MCM3AP: variants seen among roughly 807,000 people sequenced by gnomAD.
MCM3AP encodes the protein minichromosome maintenance complex component 3 associated protein, also known as germinal-center associated nuclear protein.
MCM3AP carries 126 observed loss-of-function variants against 184.1 expected under a neutral mutation model. The observed-to-expected ratio is 0.68, with a 90% CI of 0.59 to 0.79. The LOEUF (loss-of-function observed/expected upper bound fraction) is 0.79. Among genes scored for constraint, MCM3AP ranks in the 30% least tolerant of loss-of-function variants. The pLI, the probability that MCM3AP is intolerant of heterozygous loss-of-function variation, is 0.00. For synonymous variants in MCM3AP, 1,002 were observed against 979.3 expected (o/e 1.02, Z -0.43); for missense variants, 2,496 against 2,479.2 (o/e 1.01, Z -0.14).
At chr21:46,281,694 T>C (rs1032326829) in intron 2 of MCM3AP, among the ~76,000 whole-genome samples, 1 of 151,614 alleles carries the variant, frequency 6.6e-6, no homozygotes, top group African/African-American at 2.4e-5. Flanking sequence ...ATAAAATAAA[T>C]AGTAGTAATA....
At position 46,256,914 on chromosome 21, in the gene MCM3AP, G is replaced by A. The variant is rs746160453; in HGVS notation, c.3807C>T (p.Cys1269=). The A allele has an allele frequency of 5.6e-6, 9 of 1,610,630 alleles. No individual in the cohort carries two copies. Among genetic ancestry groups the A allele is most frequent in the Middle Eastern group, 1.7e-4 (1 of 6,010 alleles). ...QMRAFPAAPC[C]VDVSDRLRAL... ...CCCTCAGCCGGTCGCTCACGTCCAC[G>A]CAGCAGGGCGCAGCAGGGAAAGCCC... Residue 1269 remains cysteine, a synonymous_variant, in exon 17 of 28, where the codon TGC becomes TGT. Transcript: ENST00000291688.
intron 19 of MCM3AP, 199 bp from the exon 20 acceptor site, chr21:46,251,881 CT>C (rs754670172): frequency 0.16 from 20,700 of 126,992 alleles, 779 homozygotes; most frequent in Middle Eastern, 0.22. Context: ...TGTACTCGTT[CT>C]TTTTTTTTTT....
chr21:46,255,941 A>G (rs1329000381), intron 17 of MCM3AP, among the ~76,000 whole-genome samples: 1 of 152,180 alleles, frequency 6.6e-6, no homozygotes, highest in East Asian at 1.9e-4. Flanking sequence ...GCCTCACAGC[A>G]TGCCTCCAAC....
At position 46,235,187 on chromosome 21, in the gene MCM3AP, A is replaced by G; in HGVS notation, c.*81T>C. 7.2e-7 allele frequency: 1 copy of G among 1,396,576 alleles called. No homozygotes were observed. The highest frequency in any genetic ancestry group is 1.0e-6 in the Non-Finnish European group (1 of 997,830). The allele number at this position is 1,396,576 out of a possible 1,614,324, so 86.5% of individuals were successfully genotyped here. A position where few individuals can be genotyped will look rare whatever the true frequency, so the allele number is the denominator to read the frequency against. On this transcript the variant is annotated 3_prime_UTR_variant, in exon 28 of 28. Coordinates refer to ENST00000291688, the MANE Select transcript of MCM3AP (RefSeq NM_003906.5). ...AAATTAATCACATTTCCAACAGTGC[A>G]TCAAGCATCTGAGAATAACATTATT...
rs142287045 is a variant in MCM3AP, at chr21:46,281,955, G to A, written c.1444-1380C>T. Among the ~76,000 whole-genome samples, 455 of 152,094 alleles carry A rather than the reference G, an allele frequency of 3.0e-3. 8 individuals carry two copies. Among genetic ancestry groups the A allele is most frequent in the Non-Finnish European group, 5.0e-4 (34 of 67,990 alleles). ...AAAGGTTGAAGTGAGCCAAGATTGCGCCACTACAATACAGGCTGGGAGACA... is the reference window on the plus strand; with the variant it reads ...AAAGGTTGAAGTGAGCCAAGATTGCACCACTACAATACAGGCTGGGAGACA... On this transcript the variant is annotated intron_variant, in intron 2 of 27. Transcript: ENST00000291688.
intron 2 of MCM3AP, 46 bp downstream of exon 2, chr21:46,283,569 C>T (rs1404752180): frequency 7.4e-7 from 1 of 1,342,322 alleles, no homozygotes; most frequent in Admixed American, 1.9e-5. Context: ...TTTAAAGTGA[C>T]AAGGTTCAAA....
Position 46,243,675 on chromosome 21 carries a change from T to C in MCM3AP, c.5086A>G (p.Ile1696Val). 2 of 1,614,146 alleles carry C rather than the reference T, an allele frequency of 1.2e-6. No individual in the cohort carries two copies. Among genetic ancestry groups the C allele is most frequent in the Middle Eastern group, 1.6e-4 (1 of 6,062 alleles). ...CSMVVQYASQ[I>V]PSSRQTQPVL... is the part of the protein sequence containing the mutation. ...GGCTGTGTCTGGCGTGAGCTGGGGA[T>C]CTGGGAGGCGTACTGGACAACCATG... The change falls in exon 24 of 28, where the codon ATC becomes GTC. Residue 1696 changes from isoleucine (I) to valine (V), a missense_variant. Around this residue, in one of 5 missense-constraint regions of MCM3AP, gnomAD observed 1,323 missense variants for 1,273.4 expected, o/e 1.04. Coordinates refer to ENST00000291688, the MANE Select transcript of MCM3AP (RefSeq NM_003906.5).
chr21:46,238,453 A>G lies in MCM3AP; in HGVS notation c.5634-1474T>C, dbSNP rs1264378301. 1.7e-5 allele frequency among the ~76,000 whole-genome samples: 2 copies of G among 120,650 alleles called. 1 individual carries two copies. Among genetic ancestry groups the G allele is most frequent in the Non-Finnish European group, 3.5e-5 (2 of 56,798 alleles). 79.2% of individuals were successfully genotyped at this position (120,650 alleles called of 152,430 possible). A position where few individuals can be genotyped will look rare whatever the true frequency, so the allele number is the denominator to read the frequency against. On this transcript the variant is annotated intron_variant, in intron 26 of 27. Transcript: ENST00000291688. ...CCAGGTGCAGTGGCTCATGCCTGTA[A>G]TCCCAGCACTTTGGGAGGCCAAGGC...
chr21:46,276,042 G>A (rs922214330), intron 5 of MCM3AP, among the ~76,000 whole-genome samples: 2 of 151,990 alleles, frequency 1.3e-5, no homozygotes, highest in East Asian at 3.9e-4. Context: ...ACCTGAGGTC[G>A]GGAGTTCGAG....
chr21:46,240,920 C>T lies in MCM3AP; in HGVS notation c.5524G>A (p.Glu1842Lys), dbSNP rs984774358. Residue 1842 changes from glutamate to lysine, a missense_variant, in exon 26 of 28, where the codon GAG becomes AAG. This residue lies in a region of MCM3AP where 1,323 missense variants were observed against 1,273.4 expected (regional missense o/e 1.04). Transcript: ENST00000291688. The stretch of plus-strand genomic sequence containing the variant: ...TCCTCTGTGCTGGGAATCCTCCCCT[C>T]TTGAGCACACTCTGTGCTCCTCTTC... ...NWKRSTECAQ[E>K]GRIPSTEDLM... 1 of 1,614,034 alleles carries T rather than the reference C, an allele frequency of 6.2e-7. No homozygotes were observed. Among genetic ancestry groups the T allele is most frequent in the Non-Finnish European group, 8.5e-7 (1 of 1,179,988 alleles).
chr21:46,248,797 A>G (rs2080821124), intron 20 of MCM3AP, among the ~76,000 whole-genome samples: 2 of 152,202 alleles, frequency 1.3e-5, no homozygotes, highest in Non-Finnish European at 2.9e-5. Flanking sequence ...CAGTAGGACA[A>G]TTGGAAAATA....
At chr21:46,274,173 C>T (rs539650647) in intron 6 of MCM3AP, among the ~76,000 whole-genome samples, 75 of 152,194 alleles carry the variant, frequency 4.9e-4, no homozygotes, top group African/African-American at 1.6e-3. Flanking sequence ...CCGCACCAGG[C>T]GAAGGGTGTA....
intron 7 of MCM3AP, 145 bp downstream of exon 7, chr21:46,273,243 G>C: frequency 1.3e-6 from 1 of 770,032 alleles, no homozygotes; most frequent in South Asian, 1.8e-5. Flanking sequence ...CCAGAGTGCT[G>C]GGATTACAGG....
chr21:46,270,547 G>C lies in MCM3AP; in HGVS notation c.2482C>G (p.His828Asp). Residue 828 changes from histidine to aspartate, a missense_variant, in exon 9 of 28, where the codon CAT (histidine) becomes GAT (aspartate). This residue lies in a region of MCM3AP where 138 missense variants were observed against 191.9 expected (regional missense o/e 0.72). Transcript: ENST00000291688. ...GDILREVQQF[H>D]PAVRNSSEVK... ...TCAGATGAGTTTCTAACAGCAGGAT[G>C]GAACTGTTGTACTTCTCTGTTAATT... is the stretch of plus-strand genomic sequence containing the variant. 6.2e-7 allele frequency: 1 copy of C among 1,610,060 alleles called. No individual in the cohort carries two copies. Among genetic ancestry groups the C allele is most frequent in the African/African-American group, 1.3e-5 (1 of 74,848 alleles).
chr21:46,247,074 C>T (rs1168799323), intron 20 of MCM3AP, 188 bp from the exon 21 acceptor site: 1 of 570,970 alleles, frequency 1.8e-6, no homozygotes, highest in Non-Finnish European at 3.1e-6. Context: ...ATTTTAATTC[C>T]TGGCCCCTCT....
At position 46,270,452 on chromosome 21, in the gene MCM3AP, G is replaced by C; in HGVS notation, c.2577C>G (p.Val859=). The stretch of plus-strand genomic sequence containing the variant: ...AAGCGTTCAGGTAAGAAGCTGACTG[G>C]ACCAGTTTGAAAAATCTCACAAAAT... ...SNNFVRFFKL[V]QSASYLNACL... Residue 859 remains valine (V), a synonymous_variant, in exon 9 of 28, where the codon GTC becomes GTG. Coordinates refer to ENST00000291688, the MANE Select transcript of MCM3AP (RefSeq NM_003906.5). 6.2e-7 allele frequency: 1 copy of C among 1,613,912 alleles called. No homozygotes were observed. Among genetic ancestry groups the C allele is most frequent in the Non-Finnish European group, 8.5e-7 (1 of 1,179,924 alleles).
At chr21:46,270,318 A>C (rs2081163735) in intron 9 of MCM3AP, 83 bp downstream of exon 9, 2 of 1,369,606 alleles carry the variant, frequency 1.5e-6, no homozygotes, top group East Asian at 4.6e-5. Context: ...CCTCCTTTGA[A>C]AAGCTTGGAA....
chr21:46,284,016 T>A lies in MCM3AP; in HGVS notation c.1219+52A>T. The A allele has an allele frequency of 1.9e-6, 3 of 1,569,640 alleles. No individual in the cohort carries two copies. In the South Asian group the frequency reaches 3.6e-5, roughly 19 times the overall value. On this transcript the variant is annotated intron_variant, in intron 1 of 27. Transcript: ENST00000291688. Reference sequence around the variant, plus strand: ...TCAAGCTAACACCCAGAGAAACGTATTGAAAACCTGCCTGCAGGATTTACT... The same window carrying A: ...TCAAGCTAACACCCAGAGAAACGTAATGAAAACCTGCCTGCAGGATTTACT...
At chr21:46,278,840 A>AT (rs1320077211) in intron 4 of MCM3AP, among the ~76,000 whole-genome samples, 5 of 151,720 alleles carry the variant, frequency 3.3e-5, no homozygotes, top group Non-Finnish European at 7.4e-5. Flanking sequence ...TGCCCGGCTA[A>AT]TTTTTTGTAT....
Sources: gnomAD v4.1 joint callset for allele counts (sites outside exome capture counted in the v4.1 genomes callset) on GRCh38, gnomAD v4.1.1 for gene constraint, gnomAD v4.1.1 regional missense constraint, MANE v1.5 for transcripts, NCBI Gene and HGNC (gene_info 2026-07-23, HGNC 2026-07-21) for gene names.